Variants in POT1 observed in about 807,000 individuals in gnomAD.
POT1 encodes the protein protection of telomeres 1, also known as protection of telomeres protein 1.
Under a neutral mutation model 78.5 loss-of-function variants are expected in POT1, and 47 were observed. The observed-to-expected ratio is 0.60, with a 90% CI of 0.47 to 0.76. The LOEUF is 0.76. Ranked by LOEUF, POT1 falls within the 30% of genes least tolerant of loss-of-function variation. The pLI, the probability that POT1 is intolerant of heterozygous loss-of-function variation, is 0.00. For synonymous variants in POT1, 259 were observed against 260.7 expected (o/e 0.99, Z 0.06); for missense variants, 646 against 749.9 (o/e 0.86, Z 1.62).
At chr7:124,847,933 A>G (rs1795210881) in intron 11 of POT1, among the ~76,000 whole-genome samples, 1 of 152,238 alleles carries the variant, frequency 6.6e-6, no homozygotes, top group African/African-American at 2.4e-5. Context: ...TGACAAAGAC[A>G]TTGAAGCCAT....
Position 124,887,652 on chromosome 7 carries a change from G to T in POT1, c.124+4614C>A, listed in dbSNP as rs529436377. Reference sequence around the variant, plus strand: ...TCTACATTTCATCAACAACATCCATGTTTCACTATTTAACATCTCTGAAAT... The same window carrying T: ...TCTACATTTCATCAACAACATCCATTTTTCACTATTTAACATCTCTGAAAT... On this transcript the variant is annotated intron_variant, in intron 6 of 18. Transcript: ENST00000357628. 3.2e-3 allele frequency among the ~76,000 whole-genome samples: 482 copies of T among 152,136 alleles called. 2 individuals are homozygous for T. The highest frequency in any genetic ancestry group is 5.9e-3 in the Non-Finnish European group (399 of 67,958).
chr7:124,829,429 T>G, intron 15 of POT1, 87 bp from the exon 16 acceptor site: 1 of 777,336 alleles, frequency 1.3e-6, no homozygotes. Context: ...ACATGTGTAG[T>G]TTTAAAATAT....
At position 124,905,656 on chromosome 7, in the gene POT1, A is replaced by C. The variant is rs1009455923; in HGVS notation, c.-153-7282T>G. Among the ~76,000 whole-genome samples, 7 of 152,330 alleles carry C rather than the reference A, an allele frequency of 4.6e-5. 1 individual carries two copies. Among genetic ancestry groups the C allele is most frequent in the Admixed American group, 4.6e-4 (7 of 15,300 alleles). On this transcript the variant is annotated intron_variant, in intron 3 of 18. Transcript: ENST00000357628. ...CAAACGGGATCTAATTAAACTAAAG[A>C]GCTTCTGCACAGCAAAAGAAACTAC...
chr7:124,863,104 A>G (rs556097751), intron 8 of POT1, among the ~76,000 whole-genome samples: 9 of 152,306 alleles, frequency 5.9e-5, no homozygotes, highest in African/African-American at 2.2e-4. Context: ...TTAAAAATGC[A>G]TCAGTCATAC....
At chr7:124,828,895 T>G (rs375459353) in intron 16 of POT1, 1 of 542,680 alleles carries the variant, frequency 1.8e-6, no homozygotes, top group East Asian at 5.0e-5. Context: ...GTGTCCAGTT[T>G]CAGGTAAATA....
intron 2 of POT1, among the ~76,000 whole-genome samples, chr7:124,925,025 T>C (rs954137847): frequency 4.6e-5 from 7 of 151,918 alleles, no homozygotes; most frequent in African/African-American, 1.7e-4. Context: ...TGGGGAAAAG[T>C]TGAAAAGATT....
At chr7:124,906,290 C>T (rs936598837) in intron 3 of POT1, among the ~76,000 whole-genome samples, 6 of 152,072 alleles carry the variant, frequency 3.9e-5, no homozygotes, top group African/African-American at 1.4e-4. Context: ...ACATATACAC[C>T]ATGGAATACT....
intron 9 of POT1, among the ~76,000 whole-genome samples, chr7:124,855,614 A>G (rs1438069639): frequency 2.0e-5 from 3 of 151,886 alleles, no homozygotes; most frequent in African/African-American, 7.2e-5. Context: ...CCAAAAAATT[A>G]TAAAAATACA....
chr7:124,834,798 C>G (rs10236782), intron 15 of POT1, among the ~76,000 whole-genome samples: 1 of 151,934 alleles, frequency 6.6e-6, no homozygotes, highest in African/African-American at 2.4e-5. Context: ...TGCACATGTA[C>G]GTTTATTGCA....
chr7:124,848,093 A>C (rs1303415244), intron 11 of POT1, among the ~76,000 whole-genome samples: 1 of 152,198 alleles, frequency 6.6e-6, no homozygotes, highest in Non-Finnish European at 1.5e-5. Context: ...AAAAACATAT[A>C]GTATATACAA....
At chr7:124,853,273 T>C (rs193188219) in intron 9 of POT1, 135 bp from the exon 10 acceptor site, 114 of 648,714 alleles carry the variant, frequency 1.8e-4, no homozygotes, top group African/African-American at 1.6e-3. Flanking sequence ...ATCTGCAAAG[T>C]ATGCTATACG....
rs546594175 is a variant in POT1 at position 124,898,370 on chromosome 7, G to C, written c.-149C>G. Reference sequence around the variant, plus strand: ...AACAATAAATCTAGCCACTGCAATGGTGTCCTACATAGAAAAAAAAAAGTT... The same window carrying C: ...AACAATAAATCTAGCCACTGCAATGCTGTCCTACATAGAAAAAAAAAAGTT... On this transcript the variant is annotated 5_prime_UTR_variant, in exon 4 of 19. Transcript: ENST00000357628. 6.6e-6 allele frequency: 1 copy of C among 150,994 alleles called. No homozygotes were observed. The highest frequency in any genetic ancestry group is 1.9e-4 in the East Asian group (1 of 5,138). 9.4% of individuals were successfully genotyped at this position (150,994 alleles called of 1,614,324 possible).
chr7:124,897,700 A>C (rs1224899072), intron 4 of POT1, among the ~76,000 whole-genome samples: 1 of 151,846 alleles, frequency 6.6e-6, no homozygotes, highest in Non-Finnish European at 1.5e-5. Flanking sequence ...TTTTAATATC[A>C]AGCAGAGCCA....
chr7:124,874,777 A>G (rs1362611460), intron 6 of POT1, among the ~76,000 whole-genome samples: 2 of 151,280 alleles, frequency 1.3e-5, no homozygotes, highest in Admixed American at 1.3e-4. Flanking sequence ...GGTTAGGAAG[A>G]CAAAGGAGAG....
intron 14 of POT1, among the ~76,000 whole-genome samples, chr7:124,835,695 T>C (rs188851140): frequency 9.7e-4 from 148 of 152,316 alleles, no homozygotes; most frequent in African/African-American, 3.4e-3. Flanking sequence ...AGGAACACTT[T>C]GGTTCAAATA....
intron 6 of POT1, among the ~76,000 whole-genome samples, chr7:124,883,019 T>A (rs1245480805): frequency 6.6e-6 from 1 of 152,054 alleles, no homozygotes; most frequent in Admixed American, 6.6e-5. Flanking sequence ...AGGGGAGGCT[T>A]GTCTCAACTA....
chr7:124,890,924 A>G (rs1475492662), intron 6 of POT1, among the ~76,000 whole-genome samples: 1 of 151,904 alleles, frequency 6.6e-6, no homozygotes, highest in Non-Finnish European at 1.5e-5. Flanking sequence ...TTTGTGACCT[A>G]ACGAGTTATG....
rs758266047 is a variant in POT1, at chr7:124,851,858, A to C, written c.949+14T>G. On this transcript the variant is annotated intron_variant, in intron 11 of 18. Coordinates refer to ENST00000357628, the MANE Select transcript of POT1 (RefSeq NM_015450.3). The stretch of plus-strand genomic sequence containing the variant: ...AGCAAGAACTAAACTGTCAATGTTA[A>C]AGATTATCCTTACTTGGAAAGCTGT... The C allele has an allele frequency of 1.9e-6, 3 of 1,553,886 alleles. No homozygotes were observed. Among genetic ancestry groups the C allele is most frequent in the Non-Finnish European group, 2.7e-6 (3 of 1,125,888 alleles).
chr7:124,882,979 T>A (rs941109754), intron 6 of POT1, among the ~76,000 whole-genome samples: 2 of 151,984 alleles, frequency 1.3e-5, no homozygotes, highest in Non-Finnish European at 2.9e-5. Context: ...ATTGATAGAA[T>A]AGCTGGAAAA....
Sources: gnomAD v4.1 joint callset for allele counts (sites outside exome capture counted in the v4.1 genomes callset) on GRCh38, gnomAD v4.1.1 for gene constraint, MANE v1.5 for transcripts, NCBI Gene and HGNC (gene_info 2026-07-23, HGNC 2026-07-21) for gene names.